Variants in POLR3B observed in about 807,000 individuals in gnomAD.
POLR3B encodes DNA-directed RNA polymerase III subunit RPC2.
In POLR3B, 96 loss-of-function variants were observed where a neutral mutation model predicts 147.4. The ratio of observed to expected loss-of-function variants is 0.65; its 90% confidence interval spans 0.55 to 0.77. The LOEUF (loss-of-function observed/expected upper bound fraction) is 0.77, where lower values mean the gene tolerates loss of function less well. POLR3B is among the 30% of genes least tolerant of loss of function. POLR3B has a pLI of 0.00. For missense variants in POLR3B, 1,036 were observed against 1,413.5 expected (o/e 0.73, Z 4.28); for synonymous variants, 461 against 485.9 (o/e 0.95, Z 0.67).
At chr12:106,430,210 G>T in intron 13 of POLR3B, 63 bp from the exon 14 acceptor site, 4 of 1,265,118 alleles carry the variant, frequency 3.2e-6, no homozygotes, top group Non-Finnish European at 4.6e-6. Context: ...TGGAGTGACC[G>T]CACGGTATCA....
intron 9 of POLR3B, among the ~76,000 whole-genome samples, chr12:106,385,235 A>G (rs964913816): frequency 2.0e-5 from 3 of 152,212 alleles, no homozygotes; most frequent in African/African-American, 4.8e-5. Flanking sequence ...TCCTGGAGCA[A>G]TGGTTCAGTA....
intron 25 of POLR3B, 88 bp downstream of exon 25, chr12:106,497,006 A>G (rs1294573464): frequency 2.6e-5 from 34 of 1,325,902 alleles, no homozygotes; most frequent in Non-Finnish European, 3.4e-5. Context: ...TCTATTAAGT[A>G]TACCTTCAGG....
chr12:106,380,836 A>G (rs1005492022), intron 9 of POLR3B, among the ~76,000 whole-genome samples: 4 of 152,226 alleles, frequency 2.6e-5, no homozygotes, highest in Admixed American at 2.6e-4. Flanking sequence ...GAAATGGTAT[A>G]GTCTTCTCAG....
intron 25 of POLR3B, 96 bp downstream of exon 25, chr12:106,497,014 A>G: frequency 1.6e-6 from 2 of 1,258,552 alleles, no homozygotes; most frequent in Non-Finnish European, 2.3e-6. Flanking sequence ...GTATACCTTC[A>G]GGCAAGCTTG....
intron 10 of POLR3B, among the ~76,000 whole-genome samples, chr12:106,395,283 C>T (rs1021718446): frequency 1.3e-5 from 2 of 152,156 alleles, no homozygotes; most frequent in African/African-American, 4.8e-5. Flanking sequence ...TTAATTGGCT[C>T]ATGGTTTTGC....
chr12:106,372,563 A>T (rs1393504921), intron 6 of POLR3B, among the ~76,000 whole-genome samples: 1 of 150,992 alleles, frequency 6.6e-6, no homozygotes. Context: ...CTGGTCATGA[A>T]CTCCTGACCT....
chr12:106,438,599 A>G (rs1482577795), intron 18 of POLR3B, among the ~76,000 whole-genome samples: 1 of 151,994 alleles, frequency 6.6e-6, no homozygotes, highest in Non-Finnish European at 1.5e-5. Flanking sequence ...ATCTCAAGTG[A>G]TCCTCCCACT....
At chr12:106,464,769 C>T (rs531285665) in intron 23 of POLR3B, among the ~76,000 whole-genome samples, 1 of 152,236 alleles carries the variant, frequency 6.6e-6, no homozygotes, top group South Asian at 2.1e-4. Flanking sequence ...GATAACTGCA[C>T]ATTGTGTTTC....
At chr12:106,358,234 G>A (rs2036417277) in intron 1 of POLR3B, 1 of 1,383,984 alleles carries the variant, frequency 7.2e-7, no homozygotes, top group African/African-American at 1.5e-5. Context: ...TGTGCGTGGG[G>A]AGGACTGACC....
intron 12 of POLR3B, among the ~76,000 whole-genome samples, chr12:106,414,971 C>T (rs1565889382): frequency 1.3e-5 from 2 of 152,192 alleles, no homozygotes; most frequent in African/African-American, 4.8e-5. Flanking sequence ...GCCATCTACC[C>T]ATGCTGCTGA....
At chr12:106,398,783 G>C (rs1660952451) in intron 10 of POLR3B, among the ~76,000 whole-genome samples, 1 of 152,174 alleles carries the variant, frequency 6.6e-6, no homozygotes, top group African/African-American at 2.4e-5. Context: ...CTGTCTGTTA[G>C]AAGGAAAACT....
At position 106,427,339 on chromosome 12, in the gene POLR3B, T is replaced by C. The variant is rs199504211; in HGVS notation, c.1244T>C (p.Met415Thr). Reference sequence around the variant, plus strand: ...CGCCAAGACCAGATCACCAATGGCATGGTGAATGCTATTTCTACCGTAAGT... The same window carrying C: ...CGCCAAGACCAGATCACCAATGGCACGGTGAATGCTATTTCTACCGTAAGT... ...HMRQDQITNG[M>T]VNAISTGNWS... The change falls in exon 13 of 28, where the codon ATG becomes ACG. Residue 415 changes from methionine (M) to threonine (T), a missense_variant. Coordinates refer to ENST00000228347, the MANE Select transcript of POLR3B (RefSeq NM_018082.6). The C allele has an allele frequency of 8.7e-4, 1,406 of 1,613,792 alleles. 1 individual carries two copies. The highest frequency in any genetic ancestry group is 1.2e-3 in the Non-Finnish European group (1,357 of 1,179,736).
intron 23 of POLR3B, among the ~76,000 whole-genome samples, chr12:106,469,306 A>G (rs2038054865): frequency 7.3e-6 from 1 of 137,808 alleles, no homozygotes. Flanking sequence ...TGCTTGGTAG[A>G]TCTTCCTCCA....
chr12:106,399,307 C>G (rs138676860), intron 10 of POLR3B, among the ~76,000 whole-genome samples: 10 of 152,210 alleles, frequency 6.6e-5, no homozygotes, highest in African/African-American at 2.4e-4. Flanking sequence ...AACAAAGCCT[C>G]CAAGAAATAT....
chr12:106,388,141 G>A (rs2136911584), intron 9 of POLR3B, among the ~76,000 whole-genome samples: 1 of 152,162 alleles, frequency 6.6e-6, no homozygotes, highest in African/African-American at 2.4e-5. Context: ...CTTATTTATG[G>A]ACTTGGATCA....
intron 11 of POLR3B, 25 bp from the exon 12 acceptor site, chr12:106,410,800 AT>A (rs763359025): frequency 1.9e-5 from 31 of 1,610,714 alleles, no homozygotes; most frequent in Non-Finnish European, 3.4e-6. Flanking sequence ...TTTTCTCAAA[AT>A]TTTTCTCCAA....
intron 9 of POLR3B, among the ~76,000 whole-genome samples, chr12:106,382,291 G>T (rs1002626731): frequency 4.6e-5 from 7 of 152,132 alleles, no homozygotes; most frequent in African/African-American, 1.4e-4. Context: ...TTTATAGAAG[G>T]ATGAAGCTCC....
intron 19 of POLR3B, among the ~76,000 whole-genome samples, chr12:106,454,081 G>C (rs2037833791): frequency 6.6e-6 from 1 of 151,384 alleles, no homozygotes; most frequent in Non-Finnish European, 1.5e-5. Context: ...TCTTTTTATG[G>C]AATATACCTG....
chr12:106,487,978 A>G (rs1310370710), intron 23 of POLR3B, among the ~76,000 whole-genome samples: 1 of 152,224 alleles, frequency 6.6e-6, no homozygotes, highest in Admixed American at 6.5e-5. Flanking sequence ...GTTTTATCAG[A>G]TACAGAGGTG....
Sources: allele counts gnomAD v4.1 joint callset (sites outside exome capture counted in the v4.1 genomes callset), GRCh38; gene constraint gnomAD v4.1.1; transcripts MANE v1.5; gene names NCBI Gene and HGNC (gene_info 2026-07-23, HGNC 2026-07-21).